TMEM132B: variants seen among roughly 807,000 people sequenced by gnomAD.
The protein encoded by TMEM132B is transmembrane protein 132B.
In TMEM132B, 18 loss-of-function variants were observed where a neutral mutation model predicts 90.8. The observed-to-expected ratio is 0.20, with a 90% CI of 0.14 to 0.29. TMEM132B has a LOEUF of 0.29. Ranked by LOEUF, TMEM132B falls within the 10% of genes least tolerant of loss-of-function variation. TMEM132B has a pLI of 1.00. For synonymous variants in TMEM132B, 504 were observed against 523.3 expected, an observed-to-expected ratio of 0.96 and a Z score of 0.50; for missense variants, 1,096 against 1,326.8, an observed-to-expected ratio of 0.83 and a Z score of 2.70.
intron 1 of TMEM132B, among the ~76,000 whole-genome samples, chr12:125,241,863 G>A (rs1212850127): frequency 6.6e-6 from 1 of 152,158 alleles, no homozygotes; most frequent in Non-Finnish European, 1.5e-5. Context: ...AGCATTGGCT[G>A]CACTTGGTGT....
At chr12:125,305,423 A>G (rs1450948162) in intron 1 of TMEM132B, among the ~76,000 whole-genome samples, 1 of 151,924 alleles carries the variant, frequency 6.6e-6, no homozygotes, top group Admixed American at 6.6e-5. Context: ...TGGCAGCCAC[A>G]TGTCCAAAGC....
At chr12:125,315,585 T>C (rs1380738348) in intron 1 of TMEM132B, among the ~76,000 whole-genome samples, 3 of 152,202 alleles carry the variant, frequency 2.0e-5, no homozygotes, top group Non-Finnish European at 4.4e-5. Context: ...ATCCTCATGA[T>C]AGCCCCGATG....
At chr12:125,259,635 T>A (rs1874515795) in intron 1 of TMEM132B, among the ~76,000 whole-genome samples, 1 of 152,066 alleles carries the variant, frequency 6.6e-6, no homozygotes, top group Admixed American at 6.5e-5. Flanking sequence ...CTGTAATTAA[T>A]CCCCGGGGAC....
At chr12:125,268,960 T>C (rs1449798298) in intron 1 of TMEM132B, among the ~76,000 whole-genome samples, 1 of 152,242 alleles carries the variant, frequency 6.6e-6, no homozygotes, top group Non-Finnish European at 1.5e-5. Context: ...TTTTTGATCT[T>C]AGAGGCTGTT....
intron 3 of TMEM132B, among the ~76,000 whole-genome samples, chr12:125,477,624 A>C (rs1170594684): frequency 6.6e-6 from 1 of 151,704 alleles, no homozygotes; most frequent in African/African-American, 2.4e-5. Flanking sequence ...TCAACTTTTG[A>C]GGTCTTGGGG....
intron 1 of TMEM132B, among the ~76,000 whole-genome samples, chr12:125,230,656 G>T (rs10846849): frequency 0.11 from 16,711 of 150,540 alleles, 1,122 homozygotes; most frequent in Non-Finnish European, 0.15. Flanking sequence ...AATTTTTGTG[G>T]TTTTTTTGTG....
At chr12:125,260,994 A>C (rs1260217097) in intron 1 of TMEM132B, among the ~76,000 whole-genome samples, 1 of 152,066 alleles carries the variant, frequency 6.6e-6, no homozygotes, top group Non-Finnish European at 1.5e-5. Context: ...TCAAACAACC[A>C]AATAATGTGT....
intron 4 of TMEM132B, among the ~76,000 whole-genome samples, chr12:125,576,229 T>C (rs1884937568): frequency 6.6e-6 from 1 of 152,096 alleles, no homozygotes; most frequent in Admixed American, 6.6e-5. Flanking sequence ...AATGTATTAA[T>C]TTCGATGCTG....
At chr12:125,619,336 ATTTATTTATTTATTTATT>A (rs1886064963) in intron 5 of TMEM132B, among the ~76,000 whole-genome samples, 1 of 330 alleles carries the variant, frequency 3.0e-3, no homozygotes, top group African/African-American at 0.018. Context: ...ATTTATATTT[ATTTATTTATTTATTTATT>A]TATTTATTTA....
chr12:125,217,196 G>A (rs1173328332), intron 1 of TMEM132B, among the ~76,000 whole-genome samples: 4 of 152,330 alleles, frequency 2.6e-5, no homozygotes, highest in African/African-American at 9.6e-5. Flanking sequence ...GGCACTTGGA[G>A]TTCATGGGCT....
intron 3 of TMEM132B, among the ~76,000 whole-genome samples, chr12:125,427,289 A>G (rs150483449): frequency 0.011 from 1,687 of 152,290 alleles, 30 homozygotes; most frequent in African/African-American, 0.037. Context: ...ACTGTGTGCC[A>G]GGTCCTATGC....
chr12:125,335,998 A>G (rs1876944370), intron 1 of TMEM132B, among the ~76,000 whole-genome samples: 1 of 152,146 alleles, frequency 6.6e-6, no homozygotes, highest in Non-Finnish European at 1.5e-5. Flanking sequence ...AAGGAAAAAA[A>G]TTATTTTCAG....
At chr12:125,611,217 G>A (rs1389582610) in intron 5 of TMEM132B, among the ~76,000 whole-genome samples, 1 of 151,744 alleles carries the variant, frequency 6.6e-6, no homozygotes, top group African/African-American at 2.4e-5. Context: ...TCTACAACTC[G>A]TTTTTATTTC....
chr12:125,421,994 T>C (rs1192082046), intron 3 of TMEM132B, among the ~76,000 whole-genome samples: 1 of 152,260 alleles, frequency 6.6e-6, no homozygotes, highest in Non-Finnish European at 1.5e-5. Flanking sequence ...TCTTTCCTTC[T>C]ATAAAATATT....
At position 125,390,550 on chromosome 12, in the gene TMEM132B, CAT is replaced by C. The variant is rs751970388; in HGVS notation, c.960-24977_960-24976del. Among the ~76,000 whole-genome samples the C allele has an allele frequency of 4.6e-5, 7 of 152,342 alleles. No individual in the cohort carries two copies. In the South Asian group the frequency reaches 1.4e-3, roughly 32 times the overall value. On this transcript the variant is annotated intron_variant, in intron 2 of 8. Coordinates refer to ENST00000682704, the MANE Select transcript of TMEM132B (RefSeq NM_001366854.1). Reference sequence around the variant, plus strand: ...GCTGGATTTGGTGAGTCACTTCTAACATATAAAATACAGCAGACATGAGGTTG... The same window carrying C: ...GCTGGATTTGGTGAGTCACTTCTAACATAAAATACAGCAGACATGAGGTTG...
At chr12:125,229,388 G>T (rs536056505) in intron 1 of TMEM132B, among the ~76,000 whole-genome samples, 2 of 152,272 alleles carry the variant, frequency 1.3e-5, no homozygotes, top group East Asian at 3.9e-4. Context: ...TCCTGGCCTC[G>T]AAGGTCCTTA....
chr12:125,440,216 G>A (rs1394950196), intron 3 of TMEM132B, among the ~76,000 whole-genome samples: 1 of 152,100 alleles, frequency 6.6e-6, no homozygotes, highest in East Asian at 1.9e-4. Flanking sequence ...TGTATTTCTT[G>A]TTCTGGATTG....
chr12:125,345,957 A>G (rs1877348015), intron 1 of TMEM132B, among the ~76,000 whole-genome samples: 1 of 152,210 alleles, frequency 6.6e-6, no homozygotes. Context: ...TTTTCAGTGT[A>G]TTTCTCAGGA....
chr12:125,260,840 C>T (rs965886899), intron 1 of TMEM132B, among the ~76,000 whole-genome samples: 14 of 152,068 alleles, frequency 9.2e-5, no homozygotes, highest in African/African-American at 3.4e-4. Context: ...CACTTAAGCC[C>T]GGGAGGTCGA....
Sources: gnomAD v4.1 joint callset for allele counts (sites outside exome capture counted in the v4.1 genomes callset) on GRCh38, gnomAD v4.1.1 for gene constraint, MANE v1.5 for transcripts, NCBI Gene and HGNC (gene_info 2026-07-23, HGNC 2026-07-21) for gene names.